Variants in MARCHF8 observed in about 807,000 individuals in gnomAD.
The protein encoded by MARCHF8 is E3 ubiquitin-protein ligase MARCHF8.
A neutral mutation model predicts 51.6 loss-of-function variants in MARCHF8; 40 were observed. The observed-to-expected ratio is 0.77, with a 90% CI of 0.60 to 1.01. The LOEUF (loss-of-function observed/expected upper bound fraction) is 1.01, where lower values mean the gene tolerates loss of function less well. Among genes scored for constraint, MARCHF8 ranks in the 50% least tolerant of loss-of-function variants. The probability of loss-of-function intolerance (pLI) is 0.00; values close to 1 mark genes in which losing one functional copy is unlikely to be tolerated. For synonymous variants in MARCHF8, 263 were observed against 280.3 expected (o/e 0.94, Z 0.62); for missense variants, 685 against 708.6 (o/e 0.97, Z 0.38).
chr10:45,532,806 A>C (rs2043908833), intron 2 of MARCHF8, among the ~76,000 whole-genome samples: 1 of 152,240 alleles, frequency 6.6e-6, no homozygotes, highest in South Asian at 2.1e-4. Flanking sequence ...GATGAATAGG[A>C]AACTAGCAGC....
At chr10:45,544,491 T>C (rs2044096362) in intron 1 of MARCHF8, among the ~76,000 whole-genome samples, 1 of 152,192 alleles carries the variant, frequency 6.6e-6, no homozygotes, top group East Asian at 1.9e-4. Flanking sequence ...AACTAAAGAA[T>C]AGATAAAAAT....
intron 1 of MARCHF8, among the ~76,000 whole-genome samples, chr10:45,572,613 G>T (rs532003152): frequency 6.6e-6 from 1 of 152,010 alleles, no homozygotes; most frequent in African/African-American, 2.4e-5. Flanking sequence ...TGACGTCCAG[G>T]CATTCTTTTA....
chr10:45,522,360 C>T (rs748674820), intron 2 of MARCHF8, among the ~76,000 whole-genome samples: 1 of 152,090 alleles, frequency 6.6e-6, no homozygotes, highest in Non-Finnish European at 1.5e-5. Flanking sequence ...TTCATCTCCA[C>T]CACTTTCCAG....
At chr10:45,589,411 T>G (rs1236726850) in intron 1 of MARCHF8, among the ~76,000 whole-genome samples, 5 of 152,152 alleles carry the variant, frequency 3.3e-5, no homozygotes, top group East Asian at 1.9e-4. Context: ...TAAAAAAAAT[T>G]TCCTTCTTTC....
At chr10:45,539,091 GA>G (rs2044015183), upstream of MARCHF8, among the ~76,000 whole-genome samples, 1 of 152,056 alleles carries the variant, frequency 6.6e-6, no homozygotes, top group Non-Finnish European at 1.5e-5. Context: ...CAGCAAATGT[GA>G]AAGAACAGAA....
chr10:45,528,607 C>T (rs887161313), intron 2 of MARCHF8, among the ~76,000 whole-genome samples: 9 of 152,212 alleles, frequency 5.9e-5, no homozygotes, highest in South Asian at 2.1e-4. Flanking sequence ...CTTACAGGCA[C>T]GTGCCACCAC....
intron 2 of MARCHF8, among the ~76,000 whole-genome samples, chr10:45,504,669 T>C (rs930600738): frequency 3.3e-5 from 5 of 152,236 alleles, no homozygotes; most frequent in African/African-American, 1.2e-4. Context: ...AATTTCATTC[T>C]TATACTGTAA....
chr10:45,528,292 T>C lies in MARCHF8; in HGVS notation c.102+4818A>G, dbSNP rs1282971171. Among the ~76,000 whole-genome samples the C allele has an allele frequency of 2.0e-5, 3 of 152,158 alleles. No homozygotes were observed. The East Asian group carries it at 5.8e-4, about 29-fold the overall frequency. On this transcript the variant is annotated intron_variant, in intron 2 of 7. Coordinates refer to ENST00000453424, the MANE Select transcript of MARCHF8 (RefSeq NM_001282866.2). ...TAGAAAGAAAGAAAAGACATCTAAATTGTAAAAGAGGAAGTTAAACTATCT... is the reference window on the plus strand; with the variant it reads ...TAGAAAGAAAGAAAAGACATCTAAACTGTAAAAGAGGAAGTTAAACTATCT...
intron 2 of MARCHF8, among the ~76,000 whole-genome samples, chr10:45,525,875 A>G (rs556956153): frequency 8.5e-5 from 13 of 152,194 alleles, no homozygotes; most frequent in South Asian, 2.1e-4. Context: ...GTAATCTAAA[A>G]CAAGGGAAGT....
intron 1 of MARCHF8, among the ~76,000 whole-genome samples, chr10:45,578,998 G>C (rs1382019201): frequency 6.6e-6 from 1 of 152,262 alleles, no homozygotes; most frequent in East Asian, 1.9e-4. Context: ...GAAAACAAAA[G>C]GGCAATAAAG....
At chr10:45,577,785 G>T (rs1223991966) in intron 1 of MARCHF8, among the ~76,000 whole-genome samples, 1 of 152,184 alleles carries the variant, frequency 6.6e-6, no homozygotes, top group African/African-American at 2.4e-5. Flanking sequence ...ACTTTAAGGA[G>T]GCCAAAGCAG....
intron 3 of MARCHF8, 136 bp downstream of exon 3, chr10:45,489,231 T>C: frequency 1.4e-6 from 1 of 693,010 alleles, no homozygotes; most frequent in Non-Finnish European, 2.4e-6. Flanking sequence ...CCTCTTATGG[T>C]CCCAGAACAG....
chr10:45,526,920 G>A (rs1378485694), intron 2 of MARCHF8, among the ~76,000 whole-genome samples: 1 of 152,146 alleles, frequency 6.6e-6, no homozygotes, highest in Non-Finnish European at 1.5e-5. Context: ...ATCATTTCAA[G>A]TTGTCTTCTC....
intron 2 of MARCHF8, among the ~76,000 whole-genome samples, chr10:45,510,197 G>C (rs1396113076): frequency 6.6e-6 from 1 of 152,110 alleles, no homozygotes; most frequent in Non-Finnish European, 1.5e-5. Flanking sequence ...CAGCAAGAGA[G>C]GCCACACCAG....
At chr10:45,520,803 T>C (rs935074101) in intron 2 of MARCHF8, among the ~76,000 whole-genome samples, 2 of 152,174 alleles carry the variant, frequency 1.3e-5, no homozygotes, top group Non-Finnish European at 1.5e-5. Context: ...AGATAGAAAA[T>C]ACAAAATATT....
chr10:45,502,875 C>CA (rs1446190456), intron 2 of MARCHF8, among the ~76,000 whole-genome samples: 1 of 152,108 alleles, frequency 6.6e-6, no homozygotes, highest in Non-Finnish European at 1.5e-5. Context: ...AGCATTCAGA[C>CA]AAAAACAATT....
chr10:45,582,552 C>T (rs534070708), intron 1 of MARCHF8, among the ~76,000 whole-genome samples: 2 of 152,242 alleles, frequency 1.3e-5, no homozygotes, highest in East Asian at 1.9e-4. Flanking sequence ...CCAGTTCAAA[C>T]CCAATCCCAT....
upstream of MARCHF8, among the ~76,000 whole-genome samples, chr10:45,540,301 T>G (rs186990569): frequency 1.1e-3 from 173 of 152,288 alleles, 1 homozygote; most frequent in African/African-American, 4.0e-3. Flanking sequence ...CTTCAAAGTA[T>G]ACCATAAGGC....
At chr10:45,549,150 C>T (rs2133332708) in intron 1 of MARCHF8, among the ~76,000 whole-genome samples, 1 of 152,280 alleles carries the variant, frequency 6.6e-6, no homozygotes, top group Non-Finnish European at 1.5e-5. Context: ...CCAGCGTTCT[C>T]CCTGGGTATT....
Sources: allele counts gnomAD v4.1 joint callset (sites outside exome capture counted in the v4.1 genomes callset), GRCh38; gene constraint gnomAD v4.1.1; transcripts MANE v1.5; gene names NCBI Gene and HGNC (gene_info 2026-07-23, HGNC 2026-07-21).